The following PLXNA4 variants were observed in gnomAD, a reference collection of about 807,000 sequenced individuals.
PLXNA4 encodes the protein plexin A4.
In PLXNA4, 44 loss-of-function variants were observed where a neutral mutation model predicts 191.8. The ratio of observed to expected loss-of-function variants is 0.23; its 90% CI spans 0.18 to 0.29. The LOEUF (loss-of-function observed/expected upper bound fraction) is 0.29, where lower values mean the gene tolerates loss of function less well. PLXNA4 is among the 10% of genes least tolerant of loss of function. PLXNA4 has a pLI of 1.00. For synonymous variants in PLXNA4, 1,082 were observed against 1,009.5 expected, an observed-to-expected ratio of 1.07 and a Z score of -1.36; for missense variants, 1,800 against 2,488.8, an observed-to-expected ratio of 0.72 and a Z score of 5.89.
intron 3 of PLXNA4, among the ~76,000 whole-genome samples, chr7:132,395,601 G>A (rs1279017127): frequency 1.3e-5 from 2 of 152,248 alleles, no homozygotes; most frequent in Non-Finnish European, 2.9e-5. Flanking sequence ...GAACCAGGGG[G>A]AAGCAGCAGC....
chr7:132,404,995 T>C (rs1794153067), intron 3 of PLXNA4, among the ~76,000 whole-genome samples: 1 of 152,108 alleles, frequency 6.6e-6, no homozygotes, highest in Non-Finnish European at 1.5e-5. Context: ...GACGTTCTAC[T>C]TTAAAATAAC....
intron 14 of PLXNA4, among the ~76,000 whole-genome samples, chr7:132,189,030 AAGAGAGAGAGAGAG>A (rs3085197): frequency 5.8e-4 from 36 of 61,948 alleles, no homozygotes; most frequent in African/African-American, 1.6e-3. Flanking sequence ...GAGAGAGAGA[AAGAGAGAGAGAGAG>A]AGAGAGAGAG....
At chr7:132,319,005 G>A (rs1584985979) in intron 3 of PLXNA4, among the ~76,000 whole-genome samples, 1 of 152,264 alleles carries the variant, frequency 6.6e-6, no homozygotes, top group East Asian at 1.9e-4. Flanking sequence ...TGGTCCAACC[G>A]TGGAAGGGAA....
chr7:132,367,089 G>A (rs1804217354), intron 3 of PLXNA4, among the ~76,000 whole-genome samples: 1 of 152,188 alleles, frequency 6.6e-6, no homozygotes, highest in Non-Finnish European at 1.5e-5. Context: ...CTTCAAATAA[G>A]CTAAGAAAGA....
chr7:132,356,738 G>A lies in PLXNA4; in HGVS notation c.1372-58516C>T, dbSNP rs11978551. On this transcript the variant is annotated intron_variant, in intron 3 of 31. Transcript: ENST00000321063. Reference sequence around the variant, plus strand: ...ATTAAGCAAGTTCTGAGAAGTCCAGGGGAAAACAAAAGGGATTGTTAAAGG... The same window carrying A: ...ATTAAGCAAGTTCTGAGAAGTCCAGAGGAAAACAAAAGGGATTGTTAAAGG... 4.0e-3 allele frequency among the ~76,000 whole-genome samples: 610 copies of A among 152,300 alleles called. 2 individuals carry two copies. Among genetic ancestry groups the A allele is most frequent in the South Asian group, 7.1e-3 (34 of 4,820 alleles).
intron 25 of PLXNA4, among the ~76,000 whole-genome samples, chr7:132,153,526 C>T (rs1795704830): frequency 6.6e-6 from 1 of 152,116 alleles, no homozygotes; most frequent in Admixed American, 6.5e-5. Context: ...AGAAGATGGC[C>T]AGGTCATGCC....
rs1168850034 is a variant in PLXNA4 at position 132,129,730 on chromosome 7, T to G, written c.*749A>C. The G allele has an allele frequency of 1.3e-5, 2 of 152,604 alleles. No homozygotes were observed. The highest frequency in any genetic ancestry group is 6.5e-5 in the Admixed American group (1 of 15,274). The allele number at this position is 152,604 out of a possible 1,614,324, so 9.5% of individuals were successfully genotyped here. A position where few individuals can be genotyped will look rare whatever the true frequency, so the allele number is the denominator to read the frequency against. ...GGTCAGGAGCATCTCCATGGTGGAA[T>G]GTAATTGCTATTCTTTCTCCTGCCT... On this transcript the variant is annotated 3_prime_UTR_variant, in exon 32 of 32. Transcript: ENST00000321063.
chr7:132,362,845 T>C lies in PLXNA4; in HGVS notation c.1372-64623A>G, dbSNP rs117271585. The stretch of plus-strand genomic sequence containing the variant: ...AATTTTGTAATTTGTGAAATATGCA[T>C]GCATGCTACCTCTTTTATTGTAGTA... On this transcript the variant is annotated intron_variant, in intron 3 of 31. Coordinates refer to ENST00000321063, the MANE Select transcript of PLXNA4 (RefSeq NM_020911.2). Among the ~76,000 whole-genome samples, 778 of 152,324 alleles carry C rather than the reference T, an allele frequency of 5.1e-3. 1 individual carries two copies. The highest frequency in any genetic ancestry group is 8.9e-3 in the Non-Finnish European group (607 of 68,030).
intron 3 of PLXNA4, among the ~76,000 whole-genome samples, chr7:132,328,067 C>T (rs1332295837): frequency 2.0e-5 from 3 of 152,216 alleles, no homozygotes; most frequent in Non-Finnish European, 2.9e-5. Flanking sequence ...TTTGAACTCT[C>T]TTCCTCGTTC....
At position 132,228,429 on chromosome 7, in the gene PLXNA4, G is replaced by T. The variant is rs765066386; in HGVS notation, c.1645C>A (p.Arg549Ser). 2.5e-6 allele frequency: 4 copies of T among 1,613,990 alleles called. No individual in the cohort carries two copies. The highest frequency in any genetic ancestry group is 3.4e-6 in the Non-Finnish European group (4 of 1,180,028). The change falls in exon 6 of 32, where the codon CGC becomes AGC. Residue 549 changes from arginine to serine, a missense_variant. Arg to Ser is a moderately radical substitution (Grantham distance 110, BLOSUM62 -1). This residue lies in a region of PLXNA4 where 1,397 missense variants were observed against 1,880.4 expected (regional missense o/e 0.74). Coordinates refer to ENST00000321063, the MANE Select transcript of PLXNA4 (RefSeq NM_020911.2). ...KERCERSKEP[R>S]RFASEMKQCV... Reference sequence around the variant, plus strand: ...TGCTTCATCTCCGAGGCAAACCTGCGGGGCTCCTTGGACCGCTCACACCGC... The same window carrying T: ...TGCTTCATCTCCGAGGCAAACCTGCTGGGCTCCTTGGACCGCTCACACCGC...
intron 24 of PLXNA4, among the ~76,000 whole-genome samples, chr7:132,163,616 G>C (rs909796978): frequency 6.6e-6 from 1 of 152,172 alleles, no homozygotes; most frequent in Non-Finnish European, 1.5e-5. Flanking sequence ...CCTTGATGGA[G>C]GGGATCCCCA....
chr7:132,305,361 A>AACAC (rs57158164), intron 3 of PLXNA4, among the ~76,000 whole-genome samples: 13,495 of 130,986 alleles, frequency 0.1, 772 homozygotes, highest in East Asian at 0.15. Flanking sequence ...GCTTACCAAG[A>AACAC]ACACACACAC....
chr7:132,427,911 G>A (rs925902126), intron 3 of PLXNA4, among the ~76,000 whole-genome samples: 3 of 152,222 alleles, frequency 2.0e-5, no homozygotes, highest in African/African-American at 4.8e-5. Flanking sequence ...GAGATGGTGC[G>A]GACATGCAGG....
At chr7:132,143,592 G>T (rs886996772) in intron 29 of PLXNA4, among the ~76,000 whole-genome samples, 27 of 152,224 alleles carry the variant, frequency 1.8e-4, no homozygotes, top group Non-Finnish European at 5.9e-5. Flanking sequence ...AATGGAGGCA[G>T]TAAGTAGGAA....
intron 9 of PLXNA4, among the ~76,000 whole-genome samples, chr7:132,213,710 T>G (rs937123196): frequency 6.6e-6 from 1 of 152,134 alleles, no homozygotes; most frequent in African/African-American, 2.4e-5. Context: ...GGGGTTGCTG[T>G]GAGTCCAGGC....
intron 21 of PLXNA4, among the ~76,000 whole-genome samples, chr7:132,170,018 C>T (rs1796237807): frequency 6.6e-6 from 1 of 151,882 alleles, no homozygotes; most frequent in Non-Finnish European, 1.5e-5. Flanking sequence ...CTCTGTCTCC[C>T]CAAGGGGGTG....
At chr7:132,326,970 A>C (rs1390583902) in intron 3 of PLXNA4, among the ~76,000 whole-genome samples, 1 of 147,638 alleles carries the variant, frequency 6.8e-6, no homozygotes, top group Non-Finnish European at 1.5e-5. Context: ...AAGGAGAAAC[A>C]GTGAGAAAGG....
chr7:132,582,464 A>T (rs1453230006), intron 2 of PLXNA4, among the ~76,000 whole-genome samples: 3 of 152,204 alleles, frequency 2.0e-5, no homozygotes. Flanking sequence ...GCTGAATCAG[A>T]GCTGACTTAA....
chr7:132,283,003 C>G (rs903916187), intron 4 of PLXNA4, among the ~76,000 whole-genome samples: 1 of 152,094 alleles, frequency 6.6e-6, no homozygotes, highest in Admixed American at 6.5e-5. Flanking sequence ...CAGCCCCCCC[C>G]AAGTAACTGG....
Sources: gnomAD v4.1 joint callset for allele counts (sites outside exome capture counted in the v4.1 genomes callset) on GRCh38, gnomAD v4.1.1 for gene constraint, gnomAD v4.1.1 regional missense constraint, MANE v1.5 for transcripts, NCBI Gene and HGNC (gene_info 2026-07-23, HGNC 2026-07-21) for gene names.